Variants in PDHX observed in about 807,000 individuals in gnomAD.
PDHX encodes the protein pyruvate dehydrogenase complex component X.
A neutral mutation model predicts 55.3 loss-of-function variants in PDHX; 33 were observed. That is an observed-to-expected ratio of 0.60 (90% CI 0.45 to 0.80). The LOEUF (loss-of-function observed/expected upper bound fraction) is 0.80, where lower values mean the gene tolerates loss of function less well. PDHX is among the 30% of genes least tolerant of loss of function. The probability of loss-of-function intolerance (pLI) is 0.00; values close to 1 mark genes in which losing one functional copy is unlikely to be tolerated. For synonymous variants in PDHX, 226 were observed against 219.4 expected (o/e 1.03, Z -0.27); for missense variants, 622 against 619.9 (o/e 1.00, Z -0.04).
At position 34,916,726 on chromosome 11, in the gene PDHX, G is replaced by A. The variant is rs764412516; in HGVS notation, c.71G>A (p.Arg24Gln). Reference sequence around the variant, plus strand: ...TATCTTGTGGGCTTCCCCGGCCGCCGAAGCGTAGGGCTGGTGAAGGGGGCT... The same window carrying A: ...TATCTTGTGGGCTTCCCCGGCCGCCAAAGCGTAGGGCTGGTGAAGGGGGCT... ...LRYLVGFPGR[R>Q]SVGLVKGALG... is the part of the protein sequence containing the mutation. The change falls in exon 1 of 11, where the codon CGA becomes CAA. Residue 24 changes from arginine (R) to glutamine (Q), a missense_variant. Transcript: ENST00000227868. The A allele has an allele frequency of 6.2e-6, 10 of 1,613,422 alleles. No individual in the cohort carries two copies. The highest frequency in any genetic ancestry group is 3.4e-4 in the Middle Eastern group (2 of 5,936).
At chr11:34,930,471 C>G (rs1000074978) in intron 1 of PDHX, among the ~76,000 whole-genome samples, 17 of 152,190 alleles carry the variant, frequency 1.1e-4, no homozygotes, top group African/African-American at 4.1e-4. Context: ...CCCTGTTCTT[C>G]CACATTTGAA....
intron 1 of PDHX, among the ~76,000 whole-genome samples, chr11:34,917,127 A>G (rs1171472826): frequency 2.0e-5 from 3 of 152,120 alleles, no homozygotes; most frequent in Non-Finnish European, 2.9e-5. Flanking sequence ...CCCCTTTCCA[A>G]TCAAGGCTCA....
chr11:34,927,417 G>A (rs1436285806), intron 1 of PDHX, among the ~76,000 whole-genome samples: 1 of 152,030 alleles, frequency 6.6e-6, no homozygotes, highest in Non-Finnish European at 1.5e-5. Flanking sequence ...TAAGGAGGGA[G>A]TCTGCATATA....
intron 1 of PDHX, among the ~76,000 whole-genome samples, chr11:34,924,411 G>A (rs1421643632): frequency 6.6e-6 from 1 of 152,052 alleles, no homozygotes; most frequent in African/African-American, 2.4e-5. Context: ...AGTAAAGACG[G>A]GCTTTCACCA....
chr11:34,941,607 A>C (rs1292090706), intron 2 of PDHX, among the ~76,000 whole-genome samples: 1 of 152,168 alleles, frequency 6.6e-6, no homozygotes, highest in African/African-American at 2.4e-5. Context: ...CACCACCACC[A>C]CCACACACAT....
At chr11:34,971,287 A>G (rs1341551600) in intron 7 of PDHX, among the ~76,000 whole-genome samples, 1 of 152,038 alleles carries the variant, frequency 6.6e-6, no homozygotes, top group Admixed American at 6.6e-5. Flanking sequence ...TTTGACCTAT[A>G]TGGCCTTTAT....
chr11:34,976,953 C>A (rs1320823252), intron 7 of PDHX, among the ~76,000 whole-genome samples: 6 of 152,108 alleles, frequency 3.9e-5, no homozygotes, highest in Non-Finnish European at 7.4e-5. Context: ...CAAACCAAAT[C>A]TTTCTATGTG....
At chr11:34,975,783 C>T (rs78448619) in intron 7 of PDHX, among the ~76,000 whole-genome samples, 1,532 of 152,220 alleles carry the variant, frequency 0.01, 31 homozygotes, top group African/African-American at 0.034. Context: ...AGAAAAGTTA[C>T]GATTTTGTAA....
intron 7 of PDHX, among the ~76,000 whole-genome samples, chr11:34,973,635 A>AT (rs1451848190): frequency 6.6e-6 from 1 of 152,052 alleles, no homozygotes; most frequent in Non-Finnish European, 1.5e-5. Flanking sequence ...TTCAAATTGT[A>AT]TTACACCCCA....
intron 1 of PDHX, among the ~76,000 whole-genome samples, chr11:34,930,184 A>C (rs1456895003): frequency 6.6e-6 from 1 of 152,214 alleles, no homozygotes; most frequent in East Asian, 1.9e-4. Flanking sequence ...GTCTATGATC[A>C]GGAAGTTCTT....
chr11:34,948,132 A>G (rs1322871484), intron 3 of PDHX, among the ~76,000 whole-genome samples: 1 of 152,230 alleles, frequency 6.6e-6, no homozygotes, highest in East Asian at 1.9e-4. Flanking sequence ...TAGAGATGAT[A>G]ATAATACCTA....
At chr11:34,941,624 C>T (rs1279740070) in intron 2 of PDHX, among the ~76,000 whole-genome samples, 1 of 152,126 alleles carries the variant, frequency 6.6e-6, no homozygotes, top group Non-Finnish European at 1.5e-5. Flanking sequence ...ACATCTTTTA[C>T]GTAAAGACTT....
At chr11:34,959,500 G>A (rs1035338358) in intron 4 of PDHX, among the ~76,000 whole-genome samples, 4 of 151,814 alleles carry the variant, frequency 2.6e-5, no homozygotes, top group Admixed American at 6.6e-5. Flanking sequence ...CCTAGTGGAA[G>A]TGTAAAATGC....
chr11:34,955,637 T>A (rs1332302901), intron 3 of PDHX, among the ~76,000 whole-genome samples: 5 of 152,310 alleles, frequency 3.3e-5, no homozygotes, highest in Non-Finnish European at 7.4e-5. Flanking sequence ...GAAATGATGA[T>A]AAATGCTGTT....
intron 6 of PDHX, among the ~76,000 whole-genome samples, chr11:34,967,435 T>C (rs748184984): frequency 6.6e-6 from 1 of 152,222 alleles, no homozygotes; most frequent in Non-Finnish European, 1.5e-5. Flanking sequence ...ATCTCATGTT[T>C]CATGTCTTAA....
chr11:34,941,275 G>A (rs1401179409), intron 2 of PDHX, among the ~76,000 whole-genome samples: 1 of 152,162 alleles, frequency 6.6e-6, no homozygotes, highest in South Asian at 2.1e-4. Flanking sequence ...CTGACTAGGG[G>A]TCCCTCCTCT....
intron 3 of PDHX, among the ~76,000 whole-genome samples, chr11:34,949,238 T>C (rs906802590): frequency 6.7e-6 from 1 of 149,726 alleles, no homozygotes; most frequent in African/African-American, 2.5e-5. Context: ...TTTTCTTCTG[T>C]TTTTTGTTTT....
chr11:34,993,374 A>G (rs1250317090), intron 10 of PDHX, among the ~76,000 whole-genome samples: 3 of 152,076 alleles, frequency 2.0e-5, no homozygotes, highest in Non-Finnish European at 4.4e-5. Context: ...ATTTTTGCCT[A>G]TCTCAGAGTC....
chr11:34,957,378 A>G lies in PDHX; in HGVS notation c.343-6A>G, dbSNP rs1167801461. 2 of 1,568,514 alleles carry G rather than the reference A, an allele frequency of 1.3e-6. No individual in the cohort carries two copies. Among genetic ancestry groups the G allele is most frequent in the Admixed American group, 3.3e-5 (2 of 59,938 alleles). On this transcript the variant is annotated splice_polypyrimidine_tract_variant and splice_region_variant and intron_variant, in intron 3 of 10. Transcript: ENST00000227868. ...TTCTCTACAGTTACTTCTTTTTTAA[A>G]TATAGGTTGAAGAAGGAAGTAAAAA...
Sources: allele counts gnomAD v4.1 joint callset (sites outside exome capture counted in the v4.1 genomes callset), GRCh38; gene constraint gnomAD v4.1.1; transcripts MANE v1.5; gene names NCBI Gene and HGNC (gene_info 2026-07-23, HGNC 2026-07-21).